ATG10: variants seen among roughly 807,000 people sequenced by gnomAD.
ATG10 encodes the protein autophagy related 10.
A neutral mutation model predicts 32.1 loss-of-function variants in ATG10; 30 were observed. The observed-to-expected ratio is 0.94, with a 90% CI of 0.70 to 1.27. The LOEUF is 1.27. ATG10 is among the 50% of genes most tolerant of loss of function. ATG10 has a pLI of 0.00. For missense variants in ATG10, 233 were observed against 262.3 expected, an observed-to-expected ratio of 0.89 and a Z score of 0.77; for synonymous variants, 87 against 91.5, an observed-to-expected ratio of 0.95 and a Z score of 0.28.
At chr5:81,993,426 T>C (rs1240730717) in intron 2 of ATG10, among the ~76,000 whole-genome samples, 2 of 139,276 alleles carry the variant, frequency 1.4e-5, no homozygotes, top group Non-Finnish European at 3.1e-5. Flanking sequence ...TTCTTTTCTT[T>C]CCTTCTTTCT....
intron 1 of ATG10, among the ~76,000 whole-genome samples, chr5:81,982,332 G>A (rs1203183726): frequency 6.6e-6 from 1 of 152,158 alleles, no homozygotes; most frequent in Non-Finnish European, 1.5e-5. Flanking sequence ...CTGGTGTGGT[G>A]GTGTGTGCCT....
chr5:82,001,556 T>TC (rs1561248621), intron 2 of ATG10, among the ~76,000 whole-genome samples: 1 of 152,088 alleles, frequency 6.6e-6, no homozygotes, highest in Non-Finnish European at 1.5e-5. Context: ...GGGAAAGGAC[T>TC]CCCTATTCAA....
At position 81,982,820 on chromosome 5, in the gene ATG10, C is replaced by A. The variant is rs10072747; in HGVS notation, c.-12-4739C>A. Among the ~76,000 whole-genome samples, 8 of 152,026 alleles carry A rather than the reference C, an allele frequency of 5.3e-5. No homozygotes were observed. The South Asian group carries it at 1.4e-3, about 28-fold the overall frequency. The stretch of plus-strand genomic sequence containing the variant: ...TTTAACAAAGCACATCTTGCACCGC[C>A]CTTAATCCATTTAACCCCGAGTGGA... On this transcript the variant is annotated intron_variant, in intron 1 of 7. Coordinates refer to ENST00000282185, the MANE Select transcript of ATG10 (RefSeq NM_031482.5).
chr5:82,202,818 T>G (rs1043993542), intron 5 of ATG10, among the ~76,000 whole-genome samples: 3 of 152,204 alleles, frequency 2.0e-5, no homozygotes, highest in African/African-American at 2.4e-5. Context: ...CCTTTTCCAG[T>G]TCCCCTGGCC....
At chr5:81,979,488 G>A (rs1253375232) in intron 1 of ATG10, among the ~76,000 whole-genome samples, 4 of 151,960 alleles carry the variant, frequency 2.6e-5, no homozygotes, top group East Asian at 3.9e-4. Context: ...AGATAGCACC[G>A]CTGCACTCCA....
At position 82,035,781 on chromosome 5, in the gene ATG10, TATA is replaced by T. The variant is rs1489884861; in HGVS notation, c.109-22707_109-22705del. Among the ~76,000 whole-genome samples the T allele has an allele frequency of 4.0e-5, 6 of 148,230 alleles. No homozygotes were observed. In the South Asian group the frequency reaches 8.3e-4, roughly 21 times the overall value. On this transcript the variant is annotated intron_variant, in intron 2 of 7. Transcript: ENST00000282185. ...AATAATATAAAAATATATAATCCTA[TATA>T]ATAATATATAAAAGAGTAAAATATA...
rs561069654 is a variant in ATG10 at position 81,991,810 on chromosome 5, C to G, written c.108+4132C>G. On this transcript the variant is annotated intron_variant, in intron 2 of 7. Transcript: ENST00000282185. ...AACTCCGTCTCAAAAAAAAAAAAAACTTATCTATACCTATGTATAGGGCTC... is the reference window on the plus strand; with the variant it reads ...AACTCCGTCTCAAAAAAAAAAAAAAGTTATCTATACCTATGTATAGGGCTC... Among the ~76,000 whole-genome samples the G allele has an allele frequency of 1.2e-3, 174 of 150,338 alleles. 2 individuals are homozygous for G. Among genetic ancestry groups the G allele is most frequent in the Admixed American group, 2.3e-3 (34 of 15,070 alleles).
chr5:82,133,542 G>A (rs1766622947), intron 3 of ATG10, among the ~76,000 whole-genome samples: 1 of 151,920 alleles, frequency 6.6e-6, no homozygotes, highest in South Asian at 2.1e-4. Context: ...TAGATGTGTG[G>A]TGTTATTTCT....
At chr5:82,125,991 A>G (rs886205079) in intron 3 of ATG10, among the ~76,000 whole-genome samples, 7 of 150,674 alleles carry the variant, frequency 4.6e-5, no homozygotes, top group African/African-American at 1.5e-4. Flanking sequence ...GAGGTCCTTC[A>G]CATCCTTTGT....
At chr5:82,014,597 C>T (rs1235904417) in intron 2 of ATG10, among the ~76,000 whole-genome samples, 5 of 152,092 alleles carry the variant, frequency 3.3e-5, no homozygotes, top group African/African-American at 1.2e-4. Context: ...CCTTCTTTGT[C>T]TCTTTTGATC....
At chr5:82,082,938 A>T (rs546170693) in intron 3 of ATG10, among the ~76,000 whole-genome samples, 1 of 152,326 alleles carries the variant, frequency 6.6e-6, no homozygotes, top group South Asian at 2.1e-4. Context: ...AGCGACACAG[A>T]AGATGGGTGA....
At chr5:82,200,623 G>A (rs1745032017) in intron 5 of ATG10, among the ~76,000 whole-genome samples, 1 of 150,672 alleles carries the variant, frequency 6.6e-6, no homozygotes, top group Admixed American at 6.6e-5. Flanking sequence ...GATTATGGAT[G>A]TGTGCTACCA....
Position 82,255,449 on chromosome 5 carries a change from C to G in ATG10, c.*1386C>G, listed in dbSNP as rs541310307. 6.6e-6 allele frequency: 1 copy of G among 151,722 alleles called. No individual in the cohort carries two copies. The highest frequency in any genetic ancestry group is 1.5e-5 in the Non-Finnish European group (1 of 67,992). The allele number at this position is 151,722 out of a possible 1,614,324, so 9.4% of individuals were successfully genotyped here. ...TGCTTTCATTTGCTAGGAGCTGAAA[C>G]GAAGATTAAAATGTCATTGGCTTTT... On this transcript the variant is annotated 3_prime_UTR_variant, in exon 8 of 8. Coordinates refer to ENST00000282185, the MANE Select transcript of ATG10 (RefSeq NM_031482.5).
intron 3 of ATG10, among the ~76,000 whole-genome samples, chr5:82,086,040 T>G (rs1764677690): frequency 1.3e-5 from 2 of 152,158 alleles, no homozygotes; most frequent in African/African-American, 4.8e-5. Flanking sequence ...TTTAAAGTCT[T>G]GTATTTAAAA....
chr5:82,029,156 GA>G (rs1316377622), intron 2 of ATG10, among the ~76,000 whole-genome samples: 2 of 152,198 alleles, frequency 1.3e-5, no homozygotes, highest in Non-Finnish European at 2.9e-5. Flanking sequence ...GGCACTTGTA[GA>G]GTACAATTTA....
intron 3 of ATG10, among the ~76,000 whole-genome samples, chr5:82,069,670 C>A (rs1315169893): frequency 1.3e-5 from 2 of 152,104 alleles, no homozygotes; most frequent in Non-Finnish European, 2.9e-5. Flanking sequence ...TTTCTTCTCT[C>A]CTCAATATAC....
At chr5:82,082,151 T>TGG (rs1202989588) in intron 3 of ATG10, among the ~76,000 whole-genome samples, 61 of 150,320 alleles carry the variant, frequency 4.1e-4, no homozygotes, top group African/African-American at 1.4e-3. Context: ...AGATGAGATT[T>TGG]GGGGGGGGGG....
chr5:82,074,042 C>G (rs1253519133), intron 3 of ATG10, among the ~76,000 whole-genome samples: 1 of 152,166 alleles, frequency 6.6e-6, no homozygotes, highest in African/African-American at 2.4e-5. Context: ...TGTGTTGACA[C>G]TGAAATGCTG....
In ATG10 at chr5:82,156,983, A is replaced by G. The variant is rs533372181; in HGVS notation, c.217-7416A>G. Among the ~76,000 whole-genome samples, 174 of 152,292 alleles carry G rather than the reference A, an allele frequency of 1.1e-3. 2 individuals carry two copies. The highest frequency in any genetic ancestry group is 2.3e-3 in the Admixed American group (35 of 15,296). ...CTAGCTGTCTTGCTGTTTCCTATGC[A>G]GTCTTAAAAGAAACAGGGTCTAGGA... On this transcript the variant is annotated intron_variant, in intron 3 of 7. Transcript: ENST00000282185.
Sources: gnomAD v4.1 joint callset for allele counts (sites outside exome capture counted in the v4.1 genomes callset) on GRCh38, gnomAD v4.1.1 for gene constraint, MANE v1.5 for transcripts, NCBI Gene and HGNC (gene_info 2026-07-23, HGNC 2026-07-21) for gene names.